The following FBN1 variants were observed in gnomAD, a reference collection of about 807,000 sequenced individuals.
The protein encoded by FBN1 is fibrillin-1.
Under a neutral mutation model 365.1 loss-of-function variants are expected in FBN1, and 29 were observed. That is an observed-to-expected ratio of 0.08 (90% CI 0.06 to 0.11). The LOEUF (loss-of-function observed/expected upper bound fraction) is 0.11, where lower values mean the gene tolerates loss of function less well. FBN1 is among the 10% of genes least tolerant of loss of function. FBN1 has a pLI of 1.00. For synonymous variants in FBN1, 1,210 were observed against 1,270.5 expected (o/e 0.95, Z 1.01); for missense variants, 2,476 against 3,703.2 (o/e 0.67, Z 8.60).
At chr15:48,550,175 C>A (rs1431974401) in intron 6 of FBN1, among the ~76,000 whole-genome samples, 4 of 152,358 alleles carry the variant, frequency 2.6e-5, no homozygotes, top group Non-Finnish European at 5.9e-5. Flanking sequence ...GTGGTCAAAT[C>A]ATGAACCATT....
At chr15:48,483,631 A>G (rs747678505) in intron 31 of FBN1, among the ~76,000 whole-genome samples, 187 bp downstream of exon 31, 5 of 152,238 alleles carry the variant, frequency 3.3e-5, no homozygotes, top group Non-Finnish European at 7.3e-5. Context: ...ATATCTGACA[A>G]GAGTACCATT....
intron 35 of FBN1, 78 bp from the exon 36 acceptor site, chr15:48,470,834 C>T: frequency 6.8e-7 from 1 of 1,477,736 alleles, no homozygotes; most frequent in East Asian, 2.5e-5. Flanking sequence ...AATTAGGCAA[C>T]TAATGTAAAT....
chr15:48,483,303 A>G (rs1232757473), intron 31 of FBN1, among the ~76,000 whole-genome samples: 1 of 152,350 alleles, frequency 6.6e-6, no homozygotes, highest in East Asian at 1.9e-4. Context: ...AAAATACCCA[A>G]GTCGAACTTT....
intron 50 of FBN1, among the ~76,000 whole-genome samples, chr15:48,439,325 T>G (rs2043095450): frequency 6.6e-6 from 1 of 152,228 alleles, no homozygotes; most frequent in Non-Finnish European, 1.5e-5. Flanking sequence ...GGCAAGGACC[T>G]GGCAAGCACC....
intron 4 of FBN1, among the ~76,000 whole-genome samples, chr15:48,609,192 T>C (rs645509): frequency 0.22 from 32,745 of 152,230 alleles, 3,675 homozygotes; most frequent in Middle Eastern, 0.25. Context: ...GTTCAGGGGC[T>C]CTTGCTACGT....
At position 48,534,159 on chromosome 15, in the gene FBN1, A is replaced by G. The variant is rs113721547; in HGVS notation, c.783T>C (p.Asn261=). The G allele has an allele frequency of 9.6e-4, 1,550 of 1,613,660 alleles. 1 individual carries two copies. The highest frequency in any genetic ancestry group is 1.0e-3 in the Non-Finnish European group (1,208 of 1,179,838). The change falls in exon 8 of 66, where the codon AAT becomes AAC. Residue 261 remains asparagine (N), a synonymous_variant. Transcript: ENST00000316623. Reference sequence around the variant, plus strand: ...CAAAAGACCCAACAGTATTAATGCAATTTCCTCCCTGACAGAGCCCGGGGA... The same window carrying G: ...CAAAAGACCCAACAGTATTAATGCAGTTTCCTCCCTGACAGAGCCCGGGGA... The part of the protein sequence containing the change: ...QAIPGLCQGG[N]CINTVGSFEC...
intron 4 of FBN1, among the ~76,000 whole-genome samples, chr15:48,600,529 C>T (rs2044554813): frequency 6.6e-6 from 1 of 152,138 alleles, no homozygotes; most frequent in Admixed American, 6.5e-5. Flanking sequence ...CATGGTGGAA[C>T]CCCGTCCCTA....
intron 45 of FBN1, among the ~76,000 whole-genome samples, chr15:48,450,324 G>T (rs1271863798): frequency 6.6e-6 from 1 of 152,150 alleles, no homozygotes; most frequent in Non-Finnish European, 1.5e-5. Flanking sequence ...GATCTTATTA[G>T]AAAGGGATCC....
chr15:48,514,538 G>A (rs1370016882), intron 12 of FBN1, among the ~76,000 whole-genome samples: 1 of 152,130 alleles, frequency 6.6e-6, no homozygotes, highest in Admixed American at 6.5e-5. Context: ...AAGTTGATAG[G>A]AGCTGAGTGT....
chr15:48,490,743 C>G (rs900336012), intron 24 of FBN1, among the ~76,000 whole-genome samples: 4 of 152,202 alleles, frequency 2.6e-5, no homozygotes, highest in African/African-American at 7.2e-5. Context: ...CCTAGCAGAG[C>G]AGAGGTCAGA....
intron 2 of FBN1, among the ~76,000 whole-genome samples, chr15:48,620,310 T>C (rs1250052486): frequency 1.3e-5 from 2 of 152,224 alleles, no homozygotes; most frequent in Non-Finnish European, 1.5e-5. Context: ...CAAAACACCA[T>C]AGTTCCATCA....
chr15:48,558,326 G>A (rs2044197546), intron 6 of FBN1, among the ~76,000 whole-genome samples: 1 of 152,074 alleles, frequency 6.6e-6, no homozygotes, highest in Non-Finnish European at 1.5e-5. Context: ...AACATTATTA[G>A]CATAAGGTTT....
chr15:48,505,172 A>T (rs751282670), intron 15 of FBN1, 25 bp from the exon 16 acceptor site: 13 of 1,613,930 alleles, frequency 8.1e-6, no homozygotes, highest in Non-Finnish European at 1.1e-5. Context: ...GGCACTTATT[A>T]AAAATGAAGT....
chr15:48,633,421 A>T (rs1890025570), intron 2 of FBN1, among the ~76,000 whole-genome samples: 1 of 152,034 alleles, frequency 6.6e-6, no homozygotes, highest in African/African-American at 2.4e-5. Context: ...AGGTCATTTG[A>T]CTCTTTGACT....
intron 5 of FBN1, 123 bp from the exon 6 acceptor site, chr15:48,596,501 C>T (rs1020109597): frequency 2.7e-5 from 24 of 878,586 alleles, no homozygotes; most frequent in Middle Eastern, 2.3e-4. Context: ...TTGTTTTGGA[C>T]GGTCACTCTA....
intron 45 of FBN1, among the ~76,000 whole-genome samples, chr15:48,450,531 A>G (rs2141253850): frequency 6.6e-6 from 1 of 152,348 alleles, no homozygotes; most frequent in South Asian, 2.1e-4. Flanking sequence ...GCTACTGTGG[A>G]AAGAAACCCA....
chr15:48,469,112 C>CATATATATAT (rs1165855215), intron 36 of FBN1, among the ~76,000 whole-genome samples: 1 of 99,938 alleles, frequency 1.0e-5, no homozygotes, highest in East Asian at 4.5e-4. Context: ...ATATATATTA[C>CATATATATAT]ATATATATAT....
chr15:48,547,762 C>T (rs2044107118), intron 6 of FBN1, among the ~76,000 whole-genome samples: 1 of 141,334 alleles, frequency 7.1e-6, no homozygotes, highest in Non-Finnish European at 1.6e-5. Flanking sequence ...CACACACACA[C>T]ACACACACAC....
At chr15:48,591,554 C>T (rs541228894) in intron 6 of FBN1, among the ~76,000 whole-genome samples, 5 of 152,278 alleles carry the variant, frequency 3.3e-5, no homozygotes, top group Admixed American at 2.6e-4. Context: ...CAGATTCGTA[C>T]GTTGAAATCA....
Sources: gnomAD v4.1 joint callset for allele counts (sites outside exome capture counted in the v4.1 genomes callset) on GRCh38, gnomAD v4.1.1 for gene constraint, MANE v1.5 for transcripts, NCBI Gene and HGNC (gene_info 2026-07-23, HGNC 2026-07-21) for gene names.